FGGY: variants seen among roughly 807,000 people sequenced by gnomAD.
FGGY encodes FGGY carbohydrate kinase domain-containing protein.
Under a neutral mutation model 71.3 loss-of-function variants are expected in FGGY, and 72 were observed. The observed-to-expected ratio is 1.01, with a 90% confidence interval of 0.84 to 1.23. The LOEUF (loss-of-function observed/expected upper bound fraction) is 1.23. FGGY is among the 50% of genes most tolerant of loss of function. The pLI is 0.00. For missense variants in FGGY, 668 were observed against 682.3 expected, an observed-to-expected ratio of 0.98 and a Z score of 0.23; for synonymous variants, 251 against 250.3, an observed-to-expected ratio of 1.00 and a Z score of -0.02.
At chr1:59,591,938 TG>T (rs2096449332) in intron 8 of FGGY, among the ~76,000 whole-genome samples, 1 of 152,106 alleles carries the variant, frequency 6.6e-6, no homozygotes, top group Non-Finnish European at 1.5e-5. Context: ...AATTGACAAA[TG>T]GGATCTCATT....
chr1:59,580,882 A>G (rs1427260096), intron 8 of FGGY, among the ~76,000 whole-genome samples: 1 of 152,214 alleles, frequency 6.6e-6, no homozygotes, highest in Non-Finnish European at 1.5e-5. Context: ...CCATTGAGTG[A>G]CCTTTCCTAT....
chr1:59,591,202 GAAT>G (rs774338151), intron 8 of FGGY, among the ~76,000 whole-genome samples: 2 of 152,126 alleles, frequency 1.3e-5, no homozygotes, highest in Non-Finnish European at 2.9e-5. Flanking sequence ...GCTTCAAAAA[GAAT>G]AAAATGGCTA....
intron 8 of FGGY, among the ~76,000 whole-genome samples, chr1:59,560,888 C>T (rs1186606307): frequency 2.0e-5 from 3 of 152,142 alleles, no homozygotes; most frequent in Non-Finnish European, 4.4e-5. Flanking sequence ...CTTCCCCGCC[C>T]CCACTGAGAC....
At chr1:59,660,681 G>A (rs1225834627) in intron 12 of FGGY, among the ~76,000 whole-genome samples, 1 of 152,152 alleles carries the variant, frequency 6.6e-6, no homozygotes, top group Admixed American at 6.5e-5. Context: ...TCATGATAGG[G>A]GTCCTTTAAA....
intron 8 of FGGY, among the ~76,000 whole-genome samples, chr1:59,566,781 T>C (rs1279213810): frequency 1.3e-5 from 2 of 151,340 alleles, no homozygotes; most frequent in African/African-American, 4.9e-5. Flanking sequence ...GTAAATCTTT[T>C]TGTTGAAAGA....
chr1:59,686,199 T>A (rs79574478), intron 14 of FGGY, among the ~76,000 whole-genome samples: 2,360 of 152,240 alleles, frequency 0.016, 70 homozygotes, highest in African/African-American at 0.055. Context: ...GGTAGAGAGA[T>A]AGCATGTCCC....
At chr1:59,626,199 T>C (rs2096855040) in intron 10 of FGGY, 150 bp downstream of exon 10, 2 of 580,464 alleles carry the variant, frequency 3.4e-6, no homozygotes, top group African/African-American at 1.9e-5. Context: ...ATCCAGAAGA[T>C]AGATGTATTA....
At chr1:59,307,662 G>A (rs1005661187) in intron 1 of FGGY, among the ~76,000 whole-genome samples, 1 of 152,150 alleles carries the variant, frequency 6.6e-6, no homozygotes, top group African/African-American at 2.4e-5. Flanking sequence ...TAAGATGAGG[G>A]TTGGCTCAAA....
chr1:59,732,562 G>A (rs1442440564), intron 14 of FGGY, among the ~76,000 whole-genome samples: 1 of 152,052 alleles, frequency 6.6e-6, no homozygotes, highest in Non-Finnish European at 1.5e-5. Flanking sequence ...CTATGTTGTG[G>A]CAAACTGAGC....
At chr1:59,322,614 G>A (rs139137880) in intron 2 of FGGY, among the ~76,000 whole-genome samples, 73 of 152,288 alleles carry the variant, frequency 4.8e-4, no homozygotes, top group Admixed American at 3.7e-3. Flanking sequence ...ATGGTGGCAC[G>A]AAAACATGGT....
chr1:59,351,349 C>T (rs2053253000), intron 4 of FGGY, among the ~76,000 whole-genome samples: 1 of 152,214 alleles, frequency 6.6e-6, no homozygotes, highest in East Asian at 1.9e-4. Context: ...GGTTCTTCCT[C>T]ATCATTTAGG....
At chr1:59,648,515 T>C (rs1166441073) in intron 11 of FGGY, among the ~76,000 whole-genome samples, 3 of 138,368 alleles carry the variant, frequency 2.2e-5, no homozygotes, top group Non-Finnish European at 4.6e-5. Flanking sequence ...ATGAGCATTT[T>C]TTCATGTGTT....
At chr1:59,694,161 C>T (rs1371063825) in intron 14 of FGGY, among the ~76,000 whole-genome samples, 2 of 142,772 alleles carry the variant, frequency 1.4e-5, no homozygotes, top group African/African-American at 2.6e-5. Context: ...CAGTGGCGGG[C>T]GCCTGTCGTC....
At chr1:59,707,246 G>A (rs575861333) in intron 14 of FGGY, among the ~76,000 whole-genome samples, 2 of 152,320 alleles carry the variant, frequency 1.3e-5, no homozygotes, top group South Asian at 4.1e-4. Flanking sequence ...ACTGCGAGCT[G>A]GAGAGGTTAA....
intron 7 of FGGY, among the ~76,000 whole-genome samples, chr1:59,549,808 A>G (rs963571951): frequency 1.3e-5 from 2 of 152,192 alleles, no homozygotes; most frequent in Non-Finnish European, 2.9e-5. Flanking sequence ...TAGGGACTCA[A>G]TGCTTGGGTG....
At position 59,372,520 on chromosome 1, in the gene FGGY, A is replaced by G. The variant is rs1460238138; in HGVS notation, c.466-6229A>G. 4.6e-5 allele frequency among the ~76,000 whole-genome samples: 7 copies of G among 152,338 alleles called. No homozygotes were observed. The South Asian group carries it at 1.2e-3, about 27-fold the overall frequency. On this transcript the variant is annotated intron_variant, in intron 4 of 15. Coordinates refer to ENST00000303721, the MANE Select transcript of FGGY (RefSeq NM_018291.5). ...TACCATTCCTTCTGAAACTATTCCA[A>G]TCAATAGAAAAAGAGGGAATCCTCC...
At chr1:59,761,349 A>G (rs895157543) in intron 15 of FGGY, among the ~76,000 whole-genome samples, 1 of 152,184 alleles carries the variant, frequency 6.6e-6, no homozygotes, top group African/African-American at 2.4e-5. Context: ...TAACATAGCT[A>G]TGTGTGACAA....
chr1:59,694,283 C>T (rs1024146610), intron 14 of FGGY, among the ~76,000 whole-genome samples: 14 of 139,972 alleles, frequency 1.0e-4, no homozygotes, highest in Admixed American at 5.9e-4. Context: ...AGCAAGACTC[C>T]GTCTTAAATA....
At chr1:59,603,071 A>C (rs2096593170) in intron 8 of FGGY, among the ~76,000 whole-genome samples, 1 of 152,200 alleles carries the variant, frequency 6.6e-6, no homozygotes, top group Admixed American at 6.5e-5. Flanking sequence ...AGTACACCAG[A>C]TGTCTAAGTA....
Sources: allele counts gnomAD v4.1 joint callset (sites outside exome capture counted in the v4.1 genomes callset), GRCh38; gene constraint gnomAD v4.1.1; transcripts MANE v1.5; gene names NCBI Gene and HGNC (gene_info 2026-07-23, HGNC 2026-07-21).